Variants in CARMIL1 observed in about 807,000 individuals in gnomAD.
CARMIL1 encodes F-actin-uncapping protein LRRC16A.
In CARMIL1, 90 loss-of-function variants were observed where a neutral mutation model predicts 177.1. The observed-to-expected ratio is 0.51, with a 90% CI of 0.43 to 0.61. The LOEUF (loss-of-function observed/expected upper bound fraction) is 0.61, where lower values mean the gene tolerates loss of function less well. Among genes scored for constraint, CARMIL1 ranks in the 20% least tolerant of loss-of-function variants. CARMIL1 has a pLI of 0.00. For missense variants in CARMIL1, 1,380 were observed against 1,667.0 expected, an observed-to-expected ratio of 0.83 and a Z score of 3.00; for synonymous variants, 577 against 606.2, an observed-to-expected ratio of 0.95 and a Z score of 0.71.
chr6:25,299,071 C>A (rs944098868), intron 2 of CARMIL1, among the ~76,000 whole-genome samples: 4 of 151,042 alleles, frequency 2.6e-5, no homozygotes, highest in Admixed American at 1.3e-4. Flanking sequence ...TATTTTATAG[C>A]CGGTCCTTGA....
chr6:25,356,744 G>A (rs1788663045), intron 2 of CARMIL1, among the ~76,000 whole-genome samples: 1 of 152,144 alleles, frequency 6.6e-6, no homozygotes, highest in South Asian at 2.1e-4. Flanking sequence ...AGCTAATTGA[G>A]CTTTTTTGCT....
In CARMIL1 at chr6:25,425,206, T is replaced by C. The variant is rs147750050; in HGVS notation, c.190-1295T>C. ...TCTTTGTATTTCCAATACTGGCACA[T>C]AGTGGGCTTTTCATAAGTGTTTGTC... On this transcript the variant is annotated intron_variant, in intron 3 of 36. Coordinates refer to ENST00000329474, the MANE Select transcript of CARMIL1 (RefSeq NM_017640.6). 2.5e-3 allele frequency among the ~76,000 whole-genome samples: 388 copies of C among 152,282 alleles called. 2 individuals carry two copies. Among genetic ancestry groups the C allele is most frequent in the African/African-American group, 9.0e-3 (376 of 41,554 alleles).
At chr6:25,580,287 A>G (rs1342454376) in intron 29 of CARMIL1, among the ~76,000 whole-genome samples, 4 of 152,216 alleles carry the variant, frequency 2.6e-5, no homozygotes, top group African/African-American at 9.7e-5. Context: ...TTTGCACCAT[A>G]AACAGTTGAC....
chr6:25,618,189 T>G (rs1365045961), intron 36 of CARMIL1, among the ~76,000 whole-genome samples: 1 of 152,162 alleles, frequency 6.6e-6, no homozygotes, highest in Admixed American at 6.5e-5. Flanking sequence ...TTTTGACTGT[T>G]AGGTTTAATG....
At chr6:25,430,141 AT>A (rs1355517495) in intron 4 of CARMIL1, among the ~76,000 whole-genome samples, 1 of 150,466 alleles carries the variant, frequency 6.6e-6, no homozygotes, top group Non-Finnish European at 1.5e-5. Flanking sequence ...ATGATATATT[AT>A]TTTTTTAATG....
chr6:25,405,316 T>C (rs55809158), intron 2 of CARMIL1, among the ~76,000 whole-genome samples: 1,719 of 152,350 alleles, frequency 0.011, 29 homozygotes, highest in African/African-American at 0.037. Context: ...TTGAGATTTT[T>C]TATTCATTGC....
intron 32 of CARMIL1, among the ~76,000 whole-genome samples, chr6:25,596,842 A>AACACACACAC (rs1041676588): frequency 9.8e-6 from 1 of 102,288 alleles, no homozygotes; most frequent in Non-Finnish European, 1.9e-5. Flanking sequence ...TCTGTCACCA[A>AACACACACAC]ACACACAGAC....
intron 35 of CARMIL1, among the ~76,000 whole-genome samples, chr6:25,608,680 C>T (rs937909172): frequency 7.9e-5 from 12 of 152,184 alleles, no homozygotes; most frequent in African/African-American, 2.2e-4. Context: ...ATCTCATTTC[C>T]TCTCCGCCAC....
chr6:25,556,579 C>A, intron 28 of CARMIL1, 122 bp from the exon 29 acceptor site: 1 of 769,296 alleles, frequency 1.3e-6, no homozygotes. Flanking sequence ...TAAGAATTGT[C>A]CTTGTCACTC....
At chr6:25,433,375 A>G (rs1006057149) in intron 4 of CARMIL1, 6 of 152,238 alleles carry the variant, frequency 3.9e-5, no homozygotes, top group African/African-American at 1.2e-4. Context: ...ATAATTACCC[A>G]TGGTGGGAAG....
chr6:25,412,295 C>G (rs557085506), intron 2 of CARMIL1, among the ~76,000 whole-genome samples: 100 of 152,328 alleles, frequency 6.6e-4, no homozygotes, highest in African/African-American at 2.3e-3. Flanking sequence ...AGAAGAGAGC[C>G]TGGTGCAGTG....
At chr6:25,390,322 T>TA (rs1562073889) in intron 2 of CARMIL1, among the ~76,000 whole-genome samples, 2,889 of 71,424 alleles carry the variant, frequency 0.04, 42 homozygotes, top group African/African-American at 0.075. Flanking sequence ...ATATATATAT[T>TA]TTTTTTTTTT....
chr6:25,528,729 C>G, intron 23 of CARMIL1, 66 bp from the exon 24 acceptor site: 1 of 1,193,840 alleles, frequency 8.4e-7, no homozygotes, highest in Admixed American at 2.0e-5. Context: ...CTGACTGTTT[C>G]ACTTATACTT....
intron 5 of CARMIL1, among the ~76,000 whole-genome samples, chr6:25,441,320 C>CAAACATATATATATATATATATATAT (rs765704301): frequency 1.0e-5 from 1 of 99,628 alleles, no homozygotes; most frequent in African/African-American, 4.0e-5. Flanking sequence ...AACAAACAAA[C>CAAACATATATATATATATATATATAT]ATATATATAT....
rs1357914348 is a variant in CARMIL1, at chr6:25,450,631, C to T, written c.541-7C>T. ...CTGATGACATGACTGAATTATATTT[C>T]AAATAGGATGTGGATACAATTTATC... On this transcript the variant is annotated splice_polypyrimidine_tract_variant and splice_region_variant and intron_variant, in intron 7 of 36. Transcript: ENST00000329474. The T allele has an allele frequency of 6.5e-6, 10 of 1,544,188 alleles. No individual in the cohort carries two copies. The Admixed American group carries it at 1.0e-4, about 16-fold the overall frequency.
At chr6:25,615,195 A>G (rs1816802332) in intron 36 of CARMIL1, among the ~76,000 whole-genome samples, 1 of 152,248 alleles carries the variant, frequency 6.6e-6, no homozygotes, top group African/African-American at 2.4e-5. Context: ...ATAATTGCTT[A>G]TACTTTCTTT....
rs1162751154 is a variant in CARMIL1, at chr6:25,581,249, A to G, written c.2816A>G (p.Glu939Gly). 3 of 1,609,878 alleles carry G rather than the reference A, an allele frequency of 1.9e-6. No individual in the cohort carries two copies. The highest frequency in any genetic ancestry group is 2.5e-6 in the Non-Finnish European group (3 of 1,179,058). ...TTTTTGTTTTTAATTTTAGAAATGG[A>G]GTTTGATCTAGATAAAGCGCTGGAA... ...LRPVSRAFEM[E>G]FDLDKALEEV... Residue 939 changes from glutamate to glycine, a missense_variant, in exon 31 of 37, where the codon GAG (glutamate) becomes GGG (glycine). By Grantham distance (98) the Glu-to-Gly change is moderately conservative (BLOSUM62 -2). Transcript: ENST00000329474.
chr6:25,528,817 A>T lies in CARMIL1; in HGVS notation c.1991A>T (p.Asn664Ile). 1 of 1,607,428 alleles carries T rather than the reference A, an allele frequency of 6.2e-7. No homozygotes were observed. The highest frequency in any genetic ancestry group is 8.5e-7 in the Non-Finnish European group (1 of 1,176,736). The change falls in exon 24 of 37, where the codon AAT becomes ATT. Residue 664 changes from asparagine to isoleucine, a missense_variant. Transcript: ENST00000329474. The part of the protein sequence containing the change: ...LQKIENYLLR[N>I]HETRKYLQEQ... ...CAGATAGAAAACTACCTGCTACGAA[A>T]TCACGAGACTAGAAAATACCTTCAA...
chr6:25,449,176 C>T (rs1433724927), intron 5 of CARMIL1, among the ~76,000 whole-genome samples: 2 of 152,104 alleles, frequency 1.3e-5, no homozygotes, highest in African/African-American at 4.8e-5. Flanking sequence ...CAGGCTCAGC[C>T]CTGGGGGGGT....
Sources: allele counts gnomAD v4.1 joint callset (sites outside exome capture counted in the v4.1 genomes callset), GRCh38; gene constraint gnomAD v4.1.1; transcripts MANE v1.5; gene names NCBI Gene and HGNC (gene_info 2026-07-23, HGNC 2026-07-21).